Variants in LEF1 observed in about 807,000 individuals in gnomAD.
LEF1 encodes lymphoid enhancer binding factor 1, also known as lymphoid enhancer-binding factor 1.
A neutral mutation model predicts 51.2 loss-of-function variants in LEF1; 14 were observed. The ratio of observed to expected loss-of-function variants is 0.27; its 90% confidence interval spans 0.18 to 0.43. LEF1 has a LOEUF of 0.43. LEF1 is among the 20% of genes least tolerant of loss of function. LEF1 has a pLI of 1.00. For synonymous variants in LEF1, 185 were observed against 183.2 expected, an observed-to-expected ratio of 1.01 and a Z score of -0.08; for missense variants, 386 against 512.0, an observed-to-expected ratio of 0.75 and a Z score of 2.37.
intron 1 of LEF1, 58 bp from the exon 2 acceptor site, chr4:108,165,221 A>G (rs1050043790): frequency 3.8e-5 from 57 of 1,491,634 alleles, no homozygotes; most frequent in Non-Finnish European, 5.1e-5. Context: ...GTTTGTGACA[A>G]TAATGGTACA....
At chr4:108,119,279 A>G (rs1052762706) in intron 3 of LEF1, among the ~76,000 whole-genome samples, 2 of 151,368 alleles carry the variant, frequency 1.3e-5, no homozygotes, top group Non-Finnish European at 2.9e-5. Flanking sequence ...GAAATTTTCT[A>G]TCTTTTTTCC....
chr4:108,158,310 G>A (rs527408388), intron 3 of LEF1, among the ~76,000 whole-genome samples: 3 of 152,242 alleles, frequency 2.0e-5, no homozygotes, highest in African/African-American at 4.8e-5. Context: ...AGTACTAAGT[G>A]TCTTGATTAC....
At chr4:108,126,213 C>A (rs545936247) in intron 3 of LEF1, among the ~76,000 whole-genome samples, 38 of 151,998 alleles carry the variant, frequency 2.5e-4, no homozygotes, top group East Asian at 1.5e-3. Context: ...ATAAAAAAAA[C>A]CAGAGATTTC....
At chr4:108,120,698 G>A (rs992454015) in intron 3 of LEF1, among the ~76,000 whole-genome samples, 1 of 152,072 alleles carries the variant, frequency 6.6e-6, no homozygotes, top group South Asian at 2.1e-4. Flanking sequence ...AAAATGTTGG[G>A]TTACTGAGTC....
At chr4:108,138,825 G>A (rs1177204004) in intron 3 of LEF1, among the ~76,000 whole-genome samples, 5 of 152,202 alleles carry the variant, frequency 3.3e-5, no homozygotes, top group South Asian at 4.1e-4. Flanking sequence ...GCTTGCTGAC[G>A]CATGATGCCT....
intron 11 of LEF1, among the ~76,000 whole-genome samples, chr4:108,051,981 T>C (rs1737027944): frequency 6.6e-6 from 1 of 152,190 alleles, no homozygotes; most frequent in Non-Finnish European, 1.5e-5. Context: ...TCCTTCTCTC[T>C]AAGCCCAAAT....
chr4:108,149,274 G>A (rs1258205759), intron 3 of LEF1, among the ~76,000 whole-genome samples: 9 of 150,168 alleles, frequency 6.0e-5, no homozygotes, highest in African/African-American at 1.7e-4. Flanking sequence ...CCTGGCTAAC[G>A]CGGTGAAACC....
Position 108,126,204 on chromosome 4 carries a change from TA to T in LEF1, c.415-36948del, listed in dbSNP as rs529278721. On this transcript the variant is annotated intron_variant, in intron 3 of 11. Coordinates refer to ENST00000265165, the MANE Select transcript of LEF1 (RefSeq NM_016269.5). ...GCCAATTCTAGATTTTTGACAGTAA[TA>T]AAAAAAACCAGAGATTTCATGGATA... is the stretch of plus-strand genomic sequence containing the variant. Among the ~76,000 whole-genome samples the T allele has an allele frequency of 2.8e-4, 43 of 152,002 alleles. No individual in the cohort carries two copies. The East Asian group carries it at 6.2e-3, about 22-fold the overall frequency.
intron 11 of LEF1, among the ~76,000 whole-genome samples, chr4:108,055,241 C>T (rs1217635049): frequency 6.6e-6 from 1 of 152,108 alleles, no homozygotes; most frequent in Admixed American, 6.5e-5. Context: ...AGGGTATAGT[C>T]CCAAACAGCA....
At chr4:108,147,398 G>A (rs538813801) in intron 3 of LEF1, among the ~76,000 whole-genome samples, 1 of 152,170 alleles carries the variant, frequency 6.6e-6, no homozygotes, top group African/African-American at 2.4e-5. Context: ...AATTATGAAC[G>A]GTTTTTTCAT....
intron 9 of LEF1, among the ~76,000 whole-genome samples, chr4:108,069,008 C>T (rs1738269936): frequency 6.6e-6 from 1 of 152,122 alleles, no homozygotes; most frequent in South Asian, 2.1e-4. Context: ...AATTCTAACC[C>T]CCAATGTGAT....
At chr4:108,111,027 C>T (rs546492214) in intron 3 of LEF1, among the ~76,000 whole-genome samples, 1 of 152,200 alleles carries the variant, frequency 6.6e-6, no homozygotes, top group East Asian at 1.9e-4. Flanking sequence ...AAAATTGGAT[C>T]AGTAATTTTC....
At chr4:108,134,191 C>T (rs1429786949) in intron 3 of LEF1, among the ~76,000 whole-genome samples, 1 of 150,896 alleles carries the variant, frequency 6.6e-6, no homozygotes, top group African/African-American at 2.4e-5. Flanking sequence ...TCAACTTTCA[C>T]ATATCTTTCA....
intron 8 of LEF1, chr4:108,075,266 T>C (rs1282535808): frequency 1.3e-5 from 2 of 152,226 alleles, no homozygotes; most frequent in Non-Finnish European, 2.9e-5. Context: ...GGCTATCCAA[T>C]GGGAATCGAT....
At chr4:108,150,151 C>T (rs1744280801) in intron 3 of LEF1, among the ~76,000 whole-genome samples, 1 of 152,180 alleles carries the variant, frequency 6.6e-6, no homozygotes, top group East Asian at 1.9e-4. Flanking sequence ...AAAATCACCA[C>T]TAACTGCTCC....
At chr4:108,164,938 G>A (rs1011400118) in intron 2 of LEF1, among the ~76,000 whole-genome samples, 159 bp downstream of exon 2, 3 of 152,076 alleles carry the variant, frequency 2.0e-5, no homozygotes, top group Admixed American at 1.3e-4. Flanking sequence ...TATATTAGAG[G>A]TAAGCCATAA....
intron 9 of LEF1, among the ~76,000 whole-genome samples, chr4:108,067,333 T>C (rs536857314): frequency 2.0e-5 from 3 of 152,210 alleles, no homozygotes; most frequent in Non-Finnish European, 4.4e-5. Flanking sequence ...ATAGAATATG[T>C]AGGTGTTTGT....
At chr4:108,121,941 T>A (rs1287637765) in intron 3 of LEF1, among the ~76,000 whole-genome samples, 1 of 152,220 alleles carries the variant, frequency 6.6e-6, no homozygotes, top group African/African-American at 2.4e-5. Flanking sequence ...TATTGATAAA[T>A]AAGGGTTTTT....
Position 108,127,437 on chromosome 4 carries a change from T to C in LEF1, c.414+36131A>G, listed in dbSNP as rs146474190. 3.6e-3 allele frequency among the ~76,000 whole-genome samples: 544 copies of C among 152,318 alleles called. 4 individuals are homozygous for C. The highest frequency in any genetic ancestry group is 0.011 in the African/African-American group (473 of 41,570). The stretch of plus-strand genomic sequence containing the variant: ...TGAATCTCATGTGACTCTCCAGGGA[T>C]AGGCTAAAGAGAGAACTGGAGAAAG... On this transcript the variant is annotated intron_variant, in intron 3 of 11. Coordinates refer to ENST00000265165, the MANE Select transcript of LEF1 (RefSeq NM_016269.5).
Sources: allele counts gnomAD v4.1 joint callset (sites outside exome capture counted in the v4.1 genomes callset), GRCh38; gene constraint gnomAD v4.1.1; transcripts MANE v1.5; gene names NCBI Gene and HGNC (gene_info 2026-07-23, HGNC 2026-07-21).